Variants in PTPRD observed in about 807,000 individuals in gnomAD.
PTPRD encodes protein tyrosine phosphatase receptor type D, also known as receptor-type tyrosine-protein phosphatase delta.
Under a neutral mutation model 214.5 loss-of-function variants are expected in PTPRD, and 34 were observed. The ratio of observed to expected loss-of-function variants is 0.16; its 90% CI spans 0.12 to 0.21. PTPRD has a LOEUF of 0.21. Ranked by LOEUF, PTPRD falls within the 10% of genes least tolerant of loss-of-function variation. PTPRD has a pLI of 1.00. For synonymous variants in PTPRD, 1,128 were observed against 845.7 expected (o/e 1.33, Z -5.79); for missense variants, 2,545 against 2,398.7 (o/e 1.06, Z -1.27).
intron 2 of PTPRD, among the ~76,000 whole-genome samples, chr9:10,461,088 G>A (rs373208250): frequency 1.3e-4 from 19 of 151,874 alleles, no homozygotes; most frequent in African/African-American, 4.3e-4. Context: ...CAAAAGACTC[G>A]AATAGACATT....
At chr9:9,069,751 T>C (rs544078251) in intron 10 of PTPRD, among the ~76,000 whole-genome samples, 1 of 152,208 alleles carries the variant, frequency 6.6e-6, no homozygotes, top group African/African-American at 2.4e-5. Context: ...AGGAAACATG[T>C]ATACCTCTTA....
chr9:10,132,898 C>T (rs1432276527), intron 3 of PTPRD, among the ~76,000 whole-genome samples: 3 of 152,168 alleles, frequency 2.0e-5, no homozygotes, highest in African/African-American at 7.2e-5. Context: ...TCCCCTCCCA[C>T]TTTGGCCTGT....
chr9:10,323,990 G>A (rs965180139), intron 3 of PTPRD, among the ~76,000 whole-genome samples: 2 of 151,928 alleles, frequency 1.3e-5, no homozygotes, highest in African/African-American at 2.4e-5. Flanking sequence ...AAAATAAATT[G>A]GATAATTGCC....
intron 2 of PTPRD, among the ~76,000 whole-genome samples, chr9:10,475,200 A>AT (rs979343792): frequency 1.3e-5 from 2 of 151,808 alleles, no homozygotes; most frequent in African/African-American, 4.8e-5. Context: ...CCAGGAGCGG[A>AT]TTTTTTTGAA....
intron 9 of PTPRD, among the ~76,000 whole-genome samples, chr9:9,310,735 C>T (rs192182682): frequency 1.7e-3 from 257 of 151,882 alleles, no homozygotes; most frequent in African/African-American, 5.9e-3. Context: ...CTGACCAACA[C>T]GGAGAAATGC....
intron 2 of PTPRD, among the ~76,000 whole-genome samples, chr9:10,395,042 G>A (rs1238782559): frequency 2.0e-5 from 3 of 146,566 alleles, no homozygotes; most frequent in Non-Finnish European, 3.0e-5. Context: ...CTCTCCTACC[G>A]CTTGGTAAAT....
At chr9:10,022,516 C>T (rs1008613560) in intron 4 of PTPRD, among the ~76,000 whole-genome samples, 5 of 152,042 alleles carry the variant, frequency 3.3e-5, no homozygotes, top group Admixed American at 1.3e-4. Flanking sequence ...AAAGTAATCA[C>T]GGTTTTTGCC....
In PTPRD at chr9:8,923,585, G is replaced by T. The variant is rs577886440; in HGVS notation, c.-104+95112C>A. 3.3e-5 allele frequency among the ~76,000 whole-genome samples: 5 copies of T among 152,148 alleles called. No homozygotes were observed. In the South Asian group the frequency reaches 1.0e-3, roughly 32 times the overall value. On this transcript the variant is annotated intron_variant, in intron 11 of 45. Coordinates refer to ENST00000381196, the MANE Select transcript of PTPRD (RefSeq NM_002839.4). ...TGCTTGTGTTTACATTGTTTTTATG[G>T]AACTAGCAGAATAAAACTGACCTAT...
chr9:10,088,114 T>C lies in PTPRD; in HGVS notation c.-544-54324A>G, dbSNP rs988912588. Among the ~76,000 whole-genome samples, 15 of 151,780 alleles carry C rather than the reference T, an allele frequency of 9.9e-5. 1 individual carries two copies. ...TTCAACTAATATTTATTGTCTAGTT[T>C]GTAGTAAGAAAAAACATTATTAGCA... is the stretch of plus-strand genomic sequence containing the variant. On this transcript the variant is annotated intron_variant, in intron 3 of 45. Coordinates refer to ENST00000381196, the MANE Select transcript of PTPRD (RefSeq NM_002839.4).
At chr9:10,214,668 G>A (rs1366689742) in intron 3 of PTPRD, among the ~76,000 whole-genome samples, 1 of 151,964 alleles carries the variant, frequency 6.6e-6, no homozygotes, top group African/African-American at 2.4e-5. Flanking sequence ...CTAACACAAG[G>A]CCTGCCTCTA....
At chr9:10,541,142 A>G (rs1300594630) in intron 2 of PTPRD, among the ~76,000 whole-genome samples, 1 of 152,200 alleles carries the variant, frequency 6.6e-6, no homozygotes. Flanking sequence ...ACTTAATTAT[A>G]CTATTTTATT....
At chr9:8,338,865 G>GAGA in intron 43 of PTPRD, 57 bp downstream of exon 43, 28 of 1,505,760 alleles carry the variant, frequency 1.9e-5, no homozygotes, top group South Asian at 3.9e-5. Context: ...GAGAGAGAGA[G>GAGA]GTATCTTAGA....
chr9:9,883,324 C>T (rs1279499691), intron 5 of PTPRD, among the ~76,000 whole-genome samples: 3 of 152,032 alleles, frequency 2.0e-5, no homozygotes, highest in Non-Finnish European at 4.4e-5. Flanking sequence ...TTTCTTTATT[C>T]TGAGAGAAAC....
chr9:8,907,473 G>A (rs186679009), intron 11 of PTPRD, among the ~76,000 whole-genome samples: 9 of 141,618 alleles, frequency 6.4e-5, no homozygotes, highest in African/African-American at 2.1e-4. Flanking sequence ...AGCTGAGATC[G>A]TGCTACTGCA....
chr9:9,186,708 T>A (rs2099931825), intron 9 of PTPRD, among the ~76,000 whole-genome samples: 1 of 151,878 alleles, frequency 6.6e-6, no homozygotes, highest in Admixed American at 6.6e-5. Flanking sequence ...TACATATGTG[T>A]GTATGCATGG....
At chr9:9,386,752 G>C (rs555122505) in intron 9 of PTPRD, among the ~76,000 whole-genome samples, 2 of 152,070 alleles carry the variant, frequency 1.3e-5, no homozygotes, top group East Asian at 3.9e-4. Context: ...TAACCCTCTG[G>C]ATGGGGAAAA....
At chr9:10,520,247 C>T (rs1258562187) in intron 2 of PTPRD, among the ~76,000 whole-genome samples, 1 of 152,154 alleles carries the variant, frequency 6.6e-6, no homozygotes. Flanking sequence ...GCAAAACAAC[C>T]TTATTGCTGA....
intron 35 of PTPRD, among the ~76,000 whole-genome samples, chr9:8,414,556 G>A (rs2093758764): frequency 6.6e-6 from 1 of 152,052 alleles, no homozygotes; most frequent in African/African-American, 2.4e-5. Flanking sequence ...GGGAGTTATA[G>A]GGAGAATGGA....
chr9:8,607,708 C>A (rs1007305606), intron 14 of PTPRD, among the ~76,000 whole-genome samples: 1 of 152,028 alleles, frequency 6.6e-6, no homozygotes, highest in Non-Finnish European at 1.5e-5. Flanking sequence ...GGTTATAATG[C>A]CATTTGCAAT....
Sources: allele counts gnomAD v4.1 joint callset (sites outside exome capture counted in the v4.1 genomes callset), GRCh38; gene constraint gnomAD v4.1.1; transcripts MANE v1.5; gene names NCBI Gene and HGNC (gene_info 2026-07-23, HGNC 2026-07-21).